Variants in STEAP3 observed in about 807,000 individuals in gnomAD.
The protein encoded by STEAP3 is metalloreductase STEAP3.
Under a neutral mutation model 34.9 loss-of-function variants are expected in STEAP3, and 35 were observed. The ratio of observed to expected loss-of-function variants is 1.00; its 90% CI spans 0.76 to 1.33. The LOEUF (loss-of-function observed/expected upper bound fraction) is 1.33. STEAP3 is among the 40% of genes most tolerant of loss of function. STEAP3 has a pLI of 0.00. For synonymous variants in STEAP3, 281 were observed against 301.6 expected (o/e 0.93, Z 0.71); for missense variants, 652 against 667.6 (o/e 0.98, Z 0.26).
chr2:119,234,921 C>T (rs1220796414), intron 2 of STEAP3, among the ~76,000 whole-genome samples: 2 of 152,290 alleles, frequency 1.3e-5, no homozygotes, highest in East Asian at 3.9e-4. Flanking sequence ...CATACGCTGG[C>T]GATGGGTAGT....
intron 2 of STEAP3, among the ~76,000 whole-genome samples, chr2:119,238,904 T>C (rs1280124620): frequency 6.6e-6 from 1 of 152,148 alleles, no homozygotes; most frequent in East Asian, 1.9e-4. Context: ...GTGCCAGGCA[T>C]GGTGTGGGGT....
Position 119,263,420 on chromosome 2 carries a change from A to G in STEAP3, c.*82A>G. ...TTAGGTTTTCTTTTCTTGGTGGTGC[A>G]AAGTGGTATAACTGTGTGCAAATAG... On this transcript the variant is annotated 3_prime_UTR_variant, in exon 6 of 6. Transcript: ENST00000393110. 1 of 1,539,378 alleles carries G rather than the reference A, an allele frequency of 6.5e-7. No homozygotes were observed. Among genetic ancestry groups the G allele is most frequent in the Admixed American group, 2.0e-5 (1 of 51,092 alleles).
chr2:119,245,458 C>G (rs776056604), intron 2 of STEAP3, 31 bp from the exon 3 acceptor site: 5 of 1,553,042 alleles, frequency 3.2e-6, no homozygotes, highest in Non-Finnish European at 4.4e-6. Flanking sequence ...CAGGAGCCCT[C>G]CACTGACCAG....
chr2:119,250,518 C>T (rs771225303), intron 4 of STEAP3, among the ~76,000 whole-genome samples: 2 of 152,194 alleles, frequency 1.3e-5, no homozygotes, highest in Admixed American at 6.5e-5. Flanking sequence ...GGAGGCTCTG[C>T]GGGGCTCCCT....
chr2:119,246,137 C>A, intron 3 of STEAP3, 149 bp downstream of exon 3: 1 of 1,110,660 alleles, frequency 9.0e-7, no homozygotes, highest in Non-Finnish European at 1.3e-6. Context: ...GAAATTGTGG[C>A]TCAAAGACAT....
Position 119,245,865 on chromosome 2 carries a change from T to C in STEAP3, c.399T>C (p.Leu133=), listed in dbSNP as rs1325779373. 1 of 1,614,156 alleles carries C rather than the reference T, an allele frequency of 6.2e-7. No homozygotes were observed. The highest frequency in any genetic ancestry group is 8.5e-7 in the Non-Finnish European group (1 of 1,180,030). The part of the protein sequence containing the change: ...DVSNPTEQEH[L]QHRESNAEYL... ...GCAACCCTACAGAGCAAGAGCACCT[T>C]CAGCATCGTGAGTCCAATGCTGAGT... Residue 133 remains leucine, a synonymous_variant, in exon 3 of 6, where the codon CTT becomes CTC. Coordinates refer to ENST00000393110, the MANE Select transcript of STEAP3 (RefSeq NM_182915.3).
chr2:119,254,707 C>G lies in STEAP3; in HGVS notation c.1074C>G (p.Leu358=). Residue 358 remains leucine, a synonymous_variant, in exon 5 of 6, where the codon CTC becomes CTG. Coordinates refer to ENST00000393110, the MANE Select transcript of STEAP3 (RefSeq NM_182915.3). ...VKQVLANKSH[L]WVEEEVWRME... is the part of the protein sequence containing the mutation. Reference sequence around the variant, plus strand: ...AGGTCTTGGCCAACAAGAGCCACCTCTGGGTGGAGGAGGAGGTCTGGCGGA... The same window carrying G: ...AGGTCTTGGCCAACAAGAGCCACCTGTGGGTGGAGGAGGAGGTCTGGCGGA... The G allele has an allele frequency of 6.2e-7, 1 of 1,614,182 alleles. No homozygotes were observed. Among genetic ancestry groups the G allele is most frequent in the Admixed American group, 1.7e-5 (1 of 60,022 alleles).
At chr2:119,256,542 C>T (rs564193335) in intron 5 of STEAP3, among the ~76,000 whole-genome samples, 1 of 152,266 alleles carries the variant, frequency 6.6e-6, no homozygotes, top group Admixed American at 6.5e-5. Flanking sequence ...CAGAGAAAGC[C>T]GGTGGATTTG....
intron 5 of STEAP3, among the ~76,000 whole-genome samples, chr2:119,262,838 C>T (rs1677981895): frequency 6.6e-6 from 1 of 152,192 alleles, no homozygotes; most frequent in Admixed American, 6.5e-5. Flanking sequence ...AGCATAGAAG[C>T]ATTATTCCCA....
Position 119,247,935 on chromosome 2 carries a change from T to C in STEAP3, c.779T>C (p.Leu260Pro). The change falls in exon 4 of 6, where the codon CTG becomes CCG. Residue 260 changes from leucine to proline, a missense_variant. Transcript: ENST00000393110. Reference protein sequence around the residue: ...VQESQNKFFKLPVSVVNTTLP... With the variant: ...VQESQNKFFKPPVSVVNTTLP... ...GAAAGCCAGAACAAGTTCTTCAAGC[T>C]GCCCGTGTCCGTGGTCAACACCACA... 1 of 1,613,792 alleles carries C rather than the reference T, an allele frequency of 6.2e-7. No individual in the cohort carries two copies. The highest frequency in any genetic ancestry group is 8.5e-7 in the Non-Finnish European group (1 of 1,180,004).
intron 2 of STEAP3, among the ~76,000 whole-genome samples, chr2:119,238,139 T>G (rs1437848845): frequency 2.6e-4 from 39 of 152,250 alleles, no homozygotes; most frequent in Non-Finnish European, 7.3e-5. Context: ...TGTGTGGATA[T>G]ACATTCTTCC....
At chr2:119,224,334 C>G (rs1015356308) in intron 1 of STEAP3, among the ~76,000 whole-genome samples, 1 of 152,178 alleles carries the variant, frequency 6.6e-6, no homozygotes, top group Non-Finnish European at 1.5e-5. Flanking sequence ...CCAGTCCCTT[C>G]GCAGCCGAAC....
intron 1 of STEAP3, among the ~76,000 whole-genome samples, chr2:119,225,826 G>T (rs1679022758): frequency 6.6e-6 from 1 of 152,200 alleles, no homozygotes; most frequent in Non-Finnish European, 1.5e-5. Context: ...CTGTTTATTT[G>T]CAAAACCTTG....
intron 2 of STEAP3, chr2:119,244,804 G>A (rs1231415742): frequency 6.6e-6 from 1 of 152,094 alleles, no homozygotes; most frequent in East Asian, 1.9e-4. Flanking sequence ...AGATCACAGG[G>A]CACCCACTCT....
chr2:119,237,606 C>T (rs890498160), intron 2 of STEAP3, among the ~76,000 whole-genome samples: 1 of 152,190 alleles, frequency 6.6e-6, no homozygotes, highest in African/African-American at 2.4e-5. Flanking sequence ...ATTGGTGTTA[C>T]AAAATCCATC....
intron 4 of STEAP3, among the ~76,000 whole-genome samples, chr2:119,252,257 A>G (rs1186300023): frequency 6.6e-6 from 1 of 152,248 alleles, no homozygotes; most frequent in East Asian, 1.9e-4. Flanking sequence ...ACAGCAAGAT[A>G]CAATGATGCT....
Position 119,234,973 on chromosome 2 carries a change from C to T in STEAP3, c.22+3939C>T, listed in dbSNP as rs188470533. ...GAGCAGTTCTCCCAGACTGGGCTGT[C>T]AAAGCATGCTAGTGAGAGATTCCTG... On this transcript the variant is annotated intron_variant, in intron 2 of 5. Transcript: ENST00000393110. Among the ~76,000 whole-genome samples the T allele has an allele frequency of 2.6e-5, 4 of 152,314 alleles. No homozygotes were observed. The East Asian group carries it at 7.7e-4, about 29-fold the overall frequency.
chr2:119,230,875 G>A lies in STEAP3; in HGVS notation c.-138G>A, dbSNP rs1676909480. On this transcript the variant is annotated 5_prime_UTR_variant, in exon 2 of 6. Coordinates refer to ENST00000393110, the MANE Select transcript of STEAP3 (RefSeq NM_182915.3). ...CAGCTGGCTGTGCAAGACCCTGGCA[G>A]GGCCCTCGCCTCCTGAGAAACCGAG... 4 of 1,162,488 alleles carry A rather than the reference G, an allele frequency of 3.4e-6. No homozygotes were observed. The highest frequency in any genetic ancestry group is 1.9e-4 in the Middle Eastern group (1 of 5,244). 72.0% of individuals were successfully genotyped at this position (1,162,488 alleles called of 1,614,324 possible).
chr2:119,254,210 T>C (rs1371514166), intron 4 of STEAP3, among the ~76,000 whole-genome samples: 2 of 151,996 alleles, frequency 1.3e-5, no homozygotes, highest in East Asian at 3.9e-4. Flanking sequence ...GATTCAGAGC[T>C]AGGAGAGCTC....
Sources: allele counts gnomAD v4.1 joint callset (sites outside exome capture counted in the v4.1 genomes callset), GRCh38; gene constraint gnomAD v4.1.1; transcripts MANE v1.5; gene names NCBI Gene and HGNC (gene_info 2026-07-23, HGNC 2026-07-21).